Variants in GFOD1 observed in about 807,000 individuals in gnomAD.
GFOD1 encodes glucose-fructose oxidoreductase domain-containing protein 1.
In GFOD1, 9 loss-of-function variants were observed where a neutral mutation model predicts 25.4. That is an observed-to-expected ratio of 0.35 (90% CI 0.21 to 0.62). GFOD1 has a LOEUF of 0.62. Among genes scored for constraint, GFOD1 ranks in the 20% least tolerant of loss-of-function variants. GFOD1 has a pLI of 0.72. For synonymous variants in GFOD1, 253 were observed against 245.6 expected, an observed-to-expected ratio of 1.03 and a Z score of -0.28; for missense variants, 403 against 556.9, an observed-to-expected ratio of 0.72 and a Z score of 2.78.
chr6:13,452,190 C>G (rs1417078742), intron 1 of GFOD1, among the ~76,000 whole-genome samples: 2 of 152,072 alleles, frequency 1.3e-5, no homozygotes, highest in African/African-American at 2.4e-5. Context: ...AATGCCTGAC[C>G]CGAGACTGGA....
chr6:13,391,830 A>T (rs1785620304), intron 1 of GFOD1, among the ~76,000 whole-genome samples: 1 of 152,240 alleles, frequency 6.6e-6, no homozygotes, highest in South Asian at 2.1e-4. Context: ...AGAGCTTAGC[A>T]CAGGGTCTGG....
intron 1 of GFOD1, among the ~76,000 whole-genome samples, chr6:13,484,110 G>T (rs570193882): frequency 6.6e-6 from 1 of 152,268 alleles, no homozygotes; most frequent in South Asian, 2.1e-4. Flanking sequence ...CAATTGATCT[G>T]AAGTTTCATT....
At chr6:13,418,773 G>A in intron 1 of GFOD1, among the ~76,000 whole-genome samples, 1 of 152,156 alleles carries the variant, frequency 6.6e-6, no homozygotes, top group Non-Finnish European at 1.5e-5. Flanking sequence ...AAGGATGGGT[G>A]CCTGTTGCCA....
chr6:13,471,673 C>G (rs565746413), intron 1 of GFOD1, among the ~76,000 whole-genome samples: 3 of 152,340 alleles, frequency 2.0e-5, no homozygotes, highest in African/African-American at 7.2e-5. Context: ...AGACTATCAA[C>G]ACATTCCCAG....
At chr6:13,460,080 G>C (rs1283876190) in intron 1 of GFOD1, among the ~76,000 whole-genome samples, 7 of 152,230 alleles carry the variant, frequency 4.6e-5, no homozygotes, top group African/African-American at 1.7e-4. Flanking sequence ...GTTACAGTGA[G>C]CCGAGATCGC....
At chr6:13,414,237 A>C (rs188493367) in intron 1 of GFOD1, among the ~76,000 whole-genome samples, 47 of 152,360 alleles carry the variant, frequency 3.1e-4, no homozygotes, top group African/African-American at 9.6e-4. Flanking sequence ...GTTCCTTAGC[A>C]TCTTGCAATG....
chr6:13,432,445 C>T (rs1037746672), intron 1 of GFOD1, among the ~76,000 whole-genome samples: 23 of 152,030 alleles, frequency 1.5e-4, no homozygotes, highest in South Asian at 4.2e-4. Context: ...TTGGCTCATG[C>T]GATCTTCCCA....
intron 1 of GFOD1, among the ~76,000 whole-genome samples, chr6:13,421,253 G>A (rs984902905): frequency 2.6e-5 from 4 of 152,140 alleles, no homozygotes; most frequent in Admixed American, 1.3e-4. Context: ...TTTGGGAGGT[G>A]GAGGCAGCCA....
At chr6:13,445,436 C>T (rs919818643) in intron 1 of GFOD1, among the ~76,000 whole-genome samples, 2 of 152,182 alleles carry the variant, frequency 1.3e-5, no homozygotes, top group South Asian at 2.1e-4. Flanking sequence ...CCAATCCCAC[C>T]GTTTCCCTAT....
At chr6:13,429,567 A>G (rs1435903751) in intron 1 of GFOD1, among the ~76,000 whole-genome samples, 2 of 152,182 alleles carry the variant, frequency 1.3e-5, no homozygotes, top group Non-Finnish European at 2.9e-5. Flanking sequence ...GCTTGGCCAG[A>G]AACGTAGTCA....
At chr6:13,457,435 G>C (rs971458977) in intron 1 of GFOD1, among the ~76,000 whole-genome samples, 4 of 152,164 alleles carry the variant, frequency 2.6e-5, no homozygotes, top group African/African-American at 9.6e-5. Flanking sequence ...TTCCGGGGCA[G>C]GACCCAGAGT....
At chr6:13,405,908 C>T (rs1170804741) in intron 1 of GFOD1, among the ~76,000 whole-genome samples, 1 of 152,114 alleles carries the variant, frequency 6.6e-6, no homozygotes, top group East Asian at 1.9e-4. Flanking sequence ...CTCGCAAGCC[C>T]CAGCCTCAAC....
chr6:13,476,544 G>T (rs1198189668), intron 1 of GFOD1, among the ~76,000 whole-genome samples: 1 of 152,076 alleles, frequency 6.6e-6, no homozygotes, highest in Non-Finnish European at 1.5e-5. Flanking sequence ...ACTTACAATG[G>T]GTGAATATTG....
chr6:13,486,428 CCAGGAGG>C (rs1248603086), intron 1 of GFOD1: 10 of 613,092 alleles, frequency 1.6e-5, no homozygotes, highest in Admixed American at 8.9e-5. Context: ...CCAAGTGGTG[CCAGGAGG>C]CAGGAGGGAA....
rs1384696760 is a variant in GFOD1 at position 13,358,199 on chromosome 6, T to C, written c.*6544A>G. 2 of 152,186 alleles carry C rather than the reference T, an allele frequency of 1.3e-5. No individual in the cohort carries two copies. Among genetic ancestry groups the C allele is most frequent in the East Asian group, 3.8e-4 (2 of 5,204 alleles). The allele number at this position is 152,186 out of a possible 1,614,324, so 9.4% of individuals were successfully genotyped here. ...TATAAGCTATGTTTGACTATCTACA[T>C]TATATAGAAAATATAGACTCTGTTT... On this transcript the variant is annotated 3_prime_UTR_variant, in exon 2 of 2. Transcript: ENST00000379287.
intron 1 of GFOD1, among the ~76,000 whole-genome samples, chr6:13,391,485 G>A (rs964432215): frequency 2.5e-4 from 32 of 126,992 alleles, no homozygotes; most frequent in Non-Finnish European, 3.5e-4. Flanking sequence ...GCGACAGAGC[G>A]AGACTCCATC....
intron 1 of GFOD1, among the ~76,000 whole-genome samples, chr6:13,390,107 A>C (rs552961209): frequency 6.6e-6 from 1 of 152,108 alleles, no homozygotes; most frequent in Non-Finnish European, 1.5e-5. Flanking sequence ...AGCCTTGTGT[A>C]TCTCTCCTTC....
intron 1 of GFOD1, chr6:13,470,701 A>T (rs1363312955): frequency 6.9e-7 from 1 of 1,439,688 alleles, no homozygotes; most frequent in Non-Finnish European, 9.1e-7. Context: ...TTGATTATTC[A>T]TATTCATGTG....
At chr6:13,438,451 C>T (rs1448709371) in intron 1 of GFOD1, among the ~76,000 whole-genome samples, 1 of 152,062 alleles carries the variant, frequency 6.6e-6, no homozygotes, top group Non-Finnish European at 1.5e-5. Flanking sequence ...GAGTAGTTCC[C>T]AAGCCTCACA....
Sources: gnomAD v4.1 joint callset for allele counts (sites outside exome capture counted in the v4.1 genomes callset) on GRCh38, gnomAD v4.1.1 for gene constraint, MANE v1.5 for transcripts, NCBI Gene and HGNC (gene_info 2026-07-23, HGNC 2026-07-21) for gene names.